The following KCNJ1 variants were observed in gnomAD, a reference collection of about 807,000 sequenced individuals.
KCNJ1 encodes ATP-sensitive inward rectifier potassium channel 1.
Under a neutral mutation model 21.9 loss-of-function variants are expected in KCNJ1, and 24 were observed. That is an observed-to-expected ratio of 1.10 (90% CI 0.79 to 1.54). The LOEUF (loss-of-function observed/expected upper bound fraction) is 1.54. KCNJ1 is among the 40% of genes most tolerant of loss of function. The pLI, the probability that KCNJ1 is intolerant of heterozygous loss-of-function variation, is 0.00. For synonymous variants in KCNJ1, 152 were observed against 160.9 expected (o/e 0.94, Z 0.42); for missense variants, 457 against 455.4 (o/e 1.00, Z -0.03).
At chr11:128,863,060 T>C (rs1190447881) in intron 1 of KCNJ1, among the ~76,000 whole-genome samples, 2 of 152,208 alleles carry the variant, frequency 1.3e-5, no homozygotes, top group African/African-American at 4.8e-5. Context: ...GAGAATTTAA[T>C]CAAGGGCAAC....
chr11:128,843,081 G>A lies in KCNJ1; in HGVS notation c.-21-2817C>T, dbSNP rs77227395. On this transcript the variant is annotated intron_variant, in intron 2 of 2. Coordinates refer to ENST00000392666, the MANE Select transcript of KCNJ1 (RefSeq NM_153766.3). ...CTGAAGGTGTTTTTTACATGCACTG[G>A]GTTAGCCAATGCTATTGATTTATTT... is the stretch of plus-strand genomic sequence containing the variant. 3.3e-5 allele frequency among the ~76,000 whole-genome samples: 5 copies of A among 152,296 alleles called. No homozygotes were observed. The East Asian group carries it at 7.7e-4, about 23-fold the overall frequency.
chr11:128,850,192 C>T (rs971965789), intron 2 of KCNJ1, among the ~76,000 whole-genome samples: 1 of 152,118 alleles, frequency 6.6e-6, no homozygotes. Flanking sequence ...CCACACCCAC[C>T]CCCTTGCCAA....
At position 128,838,940 on chromosome 11, in the gene KCNJ1, T is replaced by C. The variant is rs978789979; in HGVS notation, c.*185A>G. ...CATATAAATGCATTGCACGTTCTAA[T>C]ACAGTAGCCTTGTGGAGATGCATGT... On this transcript the variant is annotated 3_prime_UTR_variant, in exon 3 of 3. Transcript: ENST00000392666. 1.6e-6 allele frequency: 1 copy of C among 621,934 alleles called. No homozygotes were observed. The highest frequency in any genetic ancestry group is 2.8e-5 in the Admixed American group (1 of 36,166). 38.5% of individuals were successfully genotyped at this position (621,934 alleles called of 1,614,324 possible).
intron 2 of KCNJ1, chr11:128,842,549 T>TTA: frequency 6.5e-7 from 1 of 1,540,654 alleles, no homozygotes; most frequent in East Asian, 2.3e-5. Context: ...TTGGAAACAC[T>TTA]TAATTTGATA....
rs114096076 is a variant in KCNJ1, at chr11:128,845,248, C to T, written c.-21-4984G>A. 7.4e-3 allele frequency among the ~76,000 whole-genome samples: 1,123 copies of T among 152,322 alleles called. 12 individuals are homozygous for T. The highest frequency in any genetic ancestry group is 0.025 in the African/African-American group (1,043 of 41,564). ...AAACAATGCAAGGTAACAGTCCCTG[C>T]TCTCAAGTTGTTCACGAATAAGTAA... On this transcript the variant is annotated intron_variant, in intron 2 of 2. Coordinates refer to ENST00000392666, the MANE Select transcript of KCNJ1 (RefSeq NM_153766.3).
chr11:128,859,033 A>C (rs371396981), intron 1 of KCNJ1, among the ~76,000 whole-genome samples: 21 of 152,312 alleles, frequency 1.4e-4, no homozygotes, highest in African/African-American at 5.1e-4. Flanking sequence ...GATTGGGGTT[A>C]AATGGTTAGT....
At chr11:128,851,157 C>T (rs1943472478) in intron 1 of KCNJ1, among the ~76,000 whole-genome samples, 1 of 152,146 alleles carries the variant, frequency 6.6e-6, no homozygotes, top group African/African-American at 2.4e-5. Context: ...CACAATGATC[C>T]ACAGTCTTTC....
rs558514394 is a variant in KCNJ1, at chr11:128,851,736, T to C, written c.-191-846A>G. On this transcript the variant is annotated intron_variant, in intron 1 of 2. Coordinates refer to ENST00000392666, the MANE Select transcript of KCNJ1 (RefSeq NM_153766.3). ...CTTTACCGAGCGTCTGCAACAAGAATGTACACTTTGTTTTAAAGAAAACAT... is the reference window on the plus strand; with the variant it reads ...CTTTACCGAGCGTCTGCAACAAGAACGTACACTTTGTTTTAAAGAAAACAT... 2.3e-4 allele frequency among the ~76,000 whole-genome samples: 35 copies of C among 152,332 alleles called. No homozygotes were observed. In the South Asian group the frequency reaches 7.0e-3, roughly 31 times the overall value.
intron 2 of KCNJ1, among the ~76,000 whole-genome samples, chr11:128,845,526 C>T (rs915792936): frequency 2.6e-5 from 4 of 152,206 alleles, no homozygotes; most frequent in Non-Finnish European, 4.4e-5. Flanking sequence ...CCCCGAGAAG[C>T]AGTAAACCAT....
chr11:128,865,024 C>T (rs1411200157), intron 1 of KCNJ1, among the ~76,000 whole-genome samples: 6 of 152,098 alleles, frequency 3.9e-5, no homozygotes, highest in Admixed American at 3.9e-4. Flanking sequence ...TGCAGCTTCC[C>T]TCACCCCTCC....
chr11:128,852,620 T>C (rs1943495592), intron 1 of KCNJ1, among the ~76,000 whole-genome samples: 1 of 152,258 alleles, frequency 6.6e-6, no homozygotes, highest in African/African-American at 2.4e-5. Flanking sequence ...TTCCATGCCA[T>C]AGAGCTGCCC....
At position 128,839,272 on chromosome 11, in the gene KCNJ1, G is replaced by T. The variant is rs372824628; in HGVS notation, c.972C>A (p.Asn324Lys). The T allele has an allele frequency of 6.2e-7, 1 of 1,614,048 alleles. No homozygotes were observed. Among genetic ancestry groups the T allele is most frequent in the Non-Finnish European group, 8.5e-7 (1 of 1,180,036 alleles). The change falls in exon 3 of 3, where the codon AAC becomes AAA. Residue 324 changes from asparagine to lysine, a missense_variant. By Grantham distance (94) the Asn-to-Lys change is moderately conservative. Transcript: ENST00000392666. Reference protein sequence around the residue: ...KEGKYRVDFHNFSKTVEVETP... With the variant: ...KEGKYRVDFHKFSKTVEVETP... ...TCTCCACTTCCACTGTCTTGCTAAA[G>T]TTATGGAAATCCACTCGGTATTTCC... is the stretch of plus-strand genomic sequence containing the variant.
rs138052812 is a variant in KCNJ1, at chr11:128,855,016, C to G, written c.-191-4126G>C. Reference sequence around the variant, plus strand: ...TCAGGCTTGAATTCCAGCTCTGCAGCTTACTGGTGCATGACCCAGCAGCTC... The same window carrying G: ...TCAGGCTTGAATTCCAGCTCTGCAGGTTACTGGTGCATGACCCAGCAGCTC... On this transcript the variant is annotated intron_variant, in intron 1 of 2. Coordinates refer to ENST00000392666, the MANE Select transcript of KCNJ1 (RefSeq NM_153766.3). Among the ~76,000 whole-genome samples, 1,456 of 152,318 alleles carry G rather than the reference C, an allele frequency of 9.6e-3. 15 individuals carry two copies. Among genetic ancestry groups the G allele is most frequent in the Non-Finnish European group, 0.016 (1,058 of 68,030 alleles).
Position 128,839,074 on chromosome 11 carries a change from A to G in KCNJ1, c.*51T>C, listed in dbSNP as rs754611255. On this transcript the variant is annotated 3_prime_UTR_variant, in exon 3 of 3. Coordinates refer to ENST00000392666, the MANE Select transcript of KCNJ1 (RefSeq NM_153766.3). ...TTGTTGACTGCTTCATAATGCTTCT[A>G]GGTACTAGGAGCTTTAGAGACTTTG... is the stretch of plus-strand genomic sequence containing the variant. The G allele has an allele frequency of 3.9e-6, 6 of 1,521,214 alleles. No individual in the cohort carries two copies. In the East Asian group the frequency reaches 1.1e-4, roughly 28 times the overall value. 94.2% of individuals were successfully genotyped at this position (1,521,214 alleles called of 1,614,324 possible).
At chr11:128,862,921 C>T (rs984224238) in intron 1 of KCNJ1, among the ~76,000 whole-genome samples, 1 of 152,226 alleles carries the variant, frequency 6.6e-6, no homozygotes, top group Non-Finnish European at 1.5e-5. Flanking sequence ...TGGACTCGGA[C>T]TCCAAGGGGC....
intron 2 of KCNJ1, among the ~76,000 whole-genome samples, chr11:128,848,141 A>G (rs1320835373): frequency 4.0e-5 from 6 of 151,898 alleles, no homozygotes; most frequent in Non-Finnish European, 8.8e-5. Flanking sequence ...ACAAAAAATT[A>G]GCCGGGCGTG....
intron 1 of KCNJ1, among the ~76,000 whole-genome samples, chr11:128,862,471 G>A (rs1262397038): frequency 1.3e-5 from 2 of 152,192 alleles, no homozygotes; most frequent in Non-Finnish European, 2.9e-5. Flanking sequence ...AGTATTGGGA[G>A]AGGAAACAGC....
chr11:128,863,863 T>C (rs912968102), intron 1 of KCNJ1, among the ~76,000 whole-genome samples: 1 of 152,148 alleles, frequency 6.6e-6, no homozygotes, highest in Non-Finnish European at 1.5e-5. Flanking sequence ...GTTTCATGTG[T>C]AAGAGCATCG....
chr11:128,866,650 A>C (rs1943820395), intron 1 of KCNJ1: 1 of 299,148 alleles, frequency 3.3e-6, no homozygotes, highest in South Asian at 1.3e-4. Flanking sequence ...AAATTCCTAT[A>C]AAGTCCTACA....
Sources: allele counts gnomAD v4.1 joint callset (sites outside exome capture counted in the v4.1 genomes callset), GRCh38; gene constraint gnomAD v4.1.1; transcripts MANE v1.5; gene names NCBI Gene and HGNC (gene_info 2026-07-23, HGNC 2026-07-21).